Variants in SGPP1 observed in about 807,000 individuals in gnomAD.
SGPP1 encodes hSPP1.
Under a neutral mutation model 33.0 loss-of-function variants are expected in SGPP1, and 21 were observed. That is an observed-to-expected ratio of 0.64 (90% CI 0.45 to 0.92). The LOEUF (loss-of-function observed/expected upper bound fraction) is 0.92. SGPP1 is among the 40% of genes least tolerant of loss of function. The pLI, the probability that SGPP1 is intolerant of heterozygous loss-of-function variation, is 0.00. For synonymous variants in SGPP1, 239 were observed against 241.2 expected (o/e 0.99, Z 0.08); for missense variants, 543 against 589.4 (o/e 0.92, Z 0.81).
Position 63,686,053 on chromosome 14 carries a change from TG to T in SGPP1, c.*51del. On this transcript the variant is annotated 3_prime_UTR_variant, in exon 3 of 3. Transcript: ENST00000247225. ...CCTGGCTTTACCTGGAATATATTTT[TG>T]GGTATCAGTAACTGATACCCTCCTT... 2 of 1,074,212 alleles carry T rather than the reference TG, an allele frequency of 1.9e-6. No individual in the cohort carries two copies. Among genetic ancestry groups the T allele is most frequent in the Non-Finnish European group, 2.6e-6 (2 of 763,452 alleles). The allele number at this position is 1,074,212 out of a possible 1,614,324, so 66.5% of individuals were successfully genotyped here.
intron 2 of SGPP1, among the ~76,000 whole-genome samples, chr14:63,693,642 C>A (rs766954854): frequency 5.9e-5 from 9 of 152,058 alleles, no homozygotes; most frequent in Non-Finnish European, 1.0e-4. Flanking sequence ...TAGATAGGAT[C>A]TTGCTCTGTT....
chr14:63,724,616 TAAAAAAA>T (rs34386504), intron 1 of SGPP1, among the ~76,000 whole-genome samples: 61 of 85,002 alleles, frequency 7.2e-4, no homozygotes, highest in East Asian at 1.6e-3. Context: ...CAAGGATCTT[TAAAAAAA>T]AAAAAAAAAA....
At chr14:63,718,806 A>G (rs188224105) in intron 1 of SGPP1, among the ~76,000 whole-genome samples, 2 of 151,184 alleles carry the variant, frequency 1.3e-5, no homozygotes, top group East Asian at 3.9e-4. Flanking sequence ...GAAAAAAAAT[A>G]AAAGAAATGC....
At chr14:63,698,310 A>G (rs1406315118) in intron 2 of SGPP1, among the ~76,000 whole-genome samples, 1 of 152,178 alleles carries the variant, frequency 6.6e-6, no homozygotes, top group African/African-American at 2.4e-5. Flanking sequence ...AATAAAAGGG[A>G]GACTGGAAGG....
intron 2 of SGPP1, among the ~76,000 whole-genome samples, chr14:63,694,621 C>T (rs370415095): frequency 2.0e-5 from 3 of 152,146 alleles, no homozygotes; most frequent in Admixed American, 6.5e-5. Flanking sequence ...AAGAAACATT[C>T]AAATTTACGA....
intron 1 of SGPP1, among the ~76,000 whole-genome samples, chr14:63,727,046 T>G (rs1207972630): frequency 1.3e-5 from 2 of 152,176 alleles, no homozygotes; most frequent in African/African-American, 4.8e-5. Context: ...AATTGGAATT[T>G]AATATTAAAA....
chr14:63,711,508 A>G (rs941598516), intron 1 of SGPP1, among the ~76,000 whole-genome samples: 2 of 152,196 alleles, frequency 1.3e-5, no homozygotes, highest in Admixed American at 1.3e-4. Context: ...CGACAGGCTG[A>G]AGACCCAGGG....
intron 2 of SGPP1, among the ~76,000 whole-genome samples, chr14:63,695,047 ATTTAT>A (rs914017265): frequency 6.6e-6 from 1 of 151,552 alleles, no homozygotes; most frequent in Non-Finnish European, 1.5e-5. Context: ...TTTTGTTTTT[ATTTAT>A]TTTATTTTAT....
At chr14:63,707,908 T>C (rs1472075539) in intron 1 of SGPP1, among the ~76,000 whole-genome samples, 1 of 152,162 alleles carries the variant, frequency 6.6e-6, no homozygotes, top group Non-Finnish European at 1.5e-5. Context: ...GTGACAATAG[T>C]TGTATAGCTG....
chr14:63,715,723 C>G (rs1885610453), intron 1 of SGPP1, among the ~76,000 whole-genome samples: 1 of 152,166 alleles, frequency 6.6e-6, no homozygotes. Context: ...AGACAAATCT[C>G]AGAGACTGAG....
chr14:63,718,645 A>G (rs1885682150), intron 1 of SGPP1, among the ~76,000 whole-genome samples: 1 of 152,084 alleles, frequency 6.6e-6, no homozygotes, highest in Admixed American at 6.6e-5. Flanking sequence ...AACTAATGTA[A>G]TATTATTTTA....
intron 1 of SGPP1, among the ~76,000 whole-genome samples, chr14:63,724,208 GAAT>G (rs1356473403): frequency 6.6e-6 from 1 of 152,068 alleles, no homozygotes; most frequent in Non-Finnish European, 1.5e-5. Flanking sequence ...TGTAAGTGAG[GAAT>G]AATGAAACAG....
At chr14:63,724,636 A>G (rs1375659877) in intron 1 of SGPP1, among the ~76,000 whole-genome samples, 2 of 149,846 alleles carry the variant, frequency 1.3e-5, no homozygotes, top group African/African-American at 5.0e-5. Context: ...AAAAAAAAAA[A>G]AAAAAGGAAA....
rs73265746 is a variant in SGPP1, at chr14:63,719,584, G to C, written c.684+7677C>G. On this transcript the variant is annotated intron_variant, in intron 1 of 2. Transcript: ENST00000247225. ...AACTAAAGGTATTGGAATATTTCTT[G>C]AGGGGAGCGCTGGGAAAATAAATAA... Among the ~76,000 whole-genome samples the C allele has an allele frequency of 7.4e-3, 1,130 of 152,094 alleles. 15 individuals are homozygous for C. The highest frequency in any genetic ancestry group is 0.031 in the South Asian group (150 of 4,812).
Position 63,686,064 on chromosome 14 carries a change from A to T in SGPP1, c.*41T>A. The T allele has an allele frequency of 1.2e-5, 15 of 1,280,408 alleles. No individual in the cohort carries two copies. Among genetic ancestry groups the T allele is most frequent in the South Asian group, 1.6e-5 (1 of 62,082 alleles). 79.3% of individuals were successfully genotyped at this position (1,280,408 alleles called of 1,614,324 possible). On this transcript the variant is annotated 3_prime_UTR_variant, in exon 3 of 3. Transcript: ENST00000247225. Reference sequence around the variant, plus strand: ...CTGGAATATATTTTTGGGTATCAGTAACTGATACCCTCCTTTCTTATCATA... The same window carrying T: ...CTGGAATATATTTTTGGGTATCAGTTACTGATACCCTCCTTTCTTATCATA...
chr14:63,719,818 TAAAAAA>T (rs112680873), intron 1 of SGPP1, among the ~76,000 whole-genome samples: 1 of 143,636 alleles, frequency 7.0e-6, no homozygotes, highest in East Asian at 2.0e-4. Flanking sequence ...TTGTTGGACT[TAAAAAA>T]AAAAAGAAGG....
At position 63,727,633 on chromosome 14, in the gene SGPP1, G is replaced by C. The variant is rs772909406; in HGVS notation, c.312C>G (p.Arg104=). The change falls in exon 1 of 3, where the codon CGC becomes CGG. Residue 104 remains arginine, a synonymous_variant. Coordinates refer to ENST00000247225, the MANE Select transcript of SGPP1 (RefSeq NM_030791.4). ...AAELGPASPR[R]AGALRRNSLT... ...GCGAGTTGCGGCGCAGAGCGCCCGC[G>C]CGCCGCGGCGAGGCCGGGCCCAGCT... is the stretch of plus-strand genomic sequence containing the variant. 7.1e-6 allele frequency: 10 copies of C among 1,411,814 alleles called. No individual in the cohort carries two copies. Among genetic ancestry groups the C allele is most frequent in the Non-Finnish European group, 9.2e-6 (10 of 1,091,866 alleles). The allele number at this position is 1,411,814 out of a possible 1,614,324, so 87.5% of individuals were successfully genotyped here. A position where few individuals can be genotyped will look rare whatever the true frequency, so the allele number is the denominator to read the frequency against.
intron 1 of SGPP1, among the ~76,000 whole-genome samples, chr14:63,708,805 T>C (rs1251702707): frequency 6.6e-6 from 1 of 152,176 alleles, no homozygotes; most frequent in African/African-American, 2.4e-5. Flanking sequence ...ATTTTATAGA[T>C]GAAACTGCGG....
intron 2 of SGPP1, among the ~76,000 whole-genome samples, chr14:63,692,280 A>G (rs1431497675): frequency 1.3e-5 from 2 of 152,246 alleles, no homozygotes; most frequent in Non-Finnish European, 2.9e-5. Flanking sequence ...TTTGATGGAA[A>G]TTTATGGTTA....
Sources: allele counts gnomAD v4.1 joint callset (sites outside exome capture counted in the v4.1 genomes callset), GRCh38; gene constraint gnomAD v4.1.1; transcripts MANE v1.5; gene names NCBI Gene and HGNC (gene_info 2026-07-23, HGNC 2026-07-21).